MGAT5: variants seen among roughly 807,000 people sequenced by gnomAD.
MGAT5 encodes alpha-1,6-mannosylglycoprotein 6-beta-N-acetylglucosaminyltransferase A.
A neutral mutation model predicts 94.3 loss-of-function variants in MGAT5; 30 were observed. That is an observed-to-expected ratio of 0.32 (90% CI 0.24 to 0.43). The LOEUF (loss-of-function observed/expected upper bound fraction) is 0.43. Among genes scored for constraint, MGAT5 ranks in the 20% least tolerant of loss-of-function variants. The pLI, the probability that MGAT5 is intolerant of heterozygous loss-of-function variation, is 1.00. For synonymous variants in MGAT5, 310 were observed against 322.9 expected, an observed-to-expected ratio of 0.96 and a Z score of 0.43; for missense variants, 691 against 905.5, an observed-to-expected ratio of 0.76 and a Z score of 3.04.
chr2:134,399,048 C>T (rs1017017431), intron 10 of MGAT5, among the ~76,000 whole-genome samples: 2 of 152,062 alleles, frequency 1.3e-5, no homozygotes, highest in African/African-American at 2.4e-5. Context: ...TTCAGATTAG[C>T]TAGAAGAAAG....
At chr2:134,349,338 T>C (rs1444972375) in intron 8 of MGAT5, among the ~76,000 whole-genome samples, 3 of 152,164 alleles carry the variant, frequency 2.0e-5, no homozygotes, top group East Asian at 1.9e-4. Context: ...AATACTCCAA[T>C]TGATGAAAAT....
At chr2:134,281,677 C>G (rs1684703923) in intron 2 of MGAT5, among the ~76,000 whole-genome samples, 2 of 152,120 alleles carry the variant, frequency 1.3e-5, no homozygotes, top group African/African-American at 2.4e-5. Flanking sequence ...TTAAGCAGAT[C>G]CAGAAACTGC....
chr2:134,153,493 T>C lies in MGAT5; in HGVS notation c.-143+33202T>C, dbSNP rs1038517625. ...AACTGATTTCCCTGGAGAGGGTTCT[T>C]GGTGTCACATGGTGGGAGATGCTGT... On this transcript the variant is annotated intron_variant, in intron 1 of 16. Coordinates refer to the MGAT5 transcript ENST00000409645. Among the ~76,000 whole-genome samples, 11 of 152,320 alleles carry C rather than the reference T, an allele frequency of 7.2e-5. No individual in the cohort carries two copies. In the East Asian group the frequency reaches 2.1e-3, roughly 29 times the overall value.
At chr2:134,136,478 A>G (rs1345466336) in intron 1 of MGAT5, among the ~76,000 whole-genome samples, 1 of 152,130 alleles carries the variant, frequency 6.6e-6, no homozygotes, top group Non-Finnish European at 1.5e-5. Context: ...GAGGCAGGAG[A>G]ATCACTTGAA....
intron 1 of MGAT5, among the ~76,000 whole-genome samples, chr2:134,141,199 C>T (rs1391510885): frequency 6.6e-6 from 1 of 152,154 alleles, no homozygotes; most frequent in East Asian, 1.9e-4. Context: ...AAGACCCTCA[C>T]CAGATGCCAA....
At chr2:134,309,555 T>C (rs78406140) in intron 2 of MGAT5, among the ~76,000 whole-genome samples, 4,088 of 152,320 alleles carry the variant, frequency 0.027, 177 homozygotes, top group East Asian at 0.11. Context: ...ATTTCCCTGA[T>C]GACTAATGAT....
intron 1 of MGAT5, among the ~76,000 whole-genome samples, chr2:134,237,142 T>TGTGTGTGCGC (rs1681685395): frequency 7.2e-6 from 1 of 137,974 alleles, no homozygotes; most frequent in Non-Finnish European, 1.6e-5. Flanking sequence ...TGTGTGTGTG[T>TGTGTGTGCGC]GTGTGTGCGC....
chr2:134,420,874 A>G (rs2106355176), intron 12 of MGAT5, among the ~76,000 whole-genome samples: 1 of 152,378 alleles, frequency 6.6e-6, no homozygotes, highest in African/African-American at 2.4e-5. Flanking sequence ...ATATTTCAGT[A>G]TTATGGAATC....
chr2:134,123,333 A>C (rs541191438), intron 1 of MGAT5, among the ~76,000 whole-genome samples: 1 of 152,314 alleles, frequency 6.6e-6, no homozygotes, highest in South Asian at 2.1e-4. Context: ...AAGTCACTAC[A>C]GAGACATCCC....
At chr2:134,122,574 A>T (rs1252007494) in intron 1 of MGAT5, among the ~76,000 whole-genome samples, 1 of 152,110 alleles carries the variant, frequency 6.6e-6, no homozygotes, top group Non-Finnish European at 1.5e-5. Context: ...CAAGAGGGTG[A>T]CTGTTTCACC....
intron 2 of MGAT5, among the ~76,000 whole-genome samples, chr2:134,283,995 G>A (rs1011339857): frequency 1.3e-5 from 2 of 152,172 alleles, no homozygotes; most frequent in African/African-American, 4.8e-5. Flanking sequence ...CAGGGCTCAG[G>A]AGGCTGGGAT....
chr2:134,186,833 A>T (rs59623898), intron 1 of MGAT5, among the ~76,000 whole-genome samples: 2,807 of 152,294 alleles, frequency 0.018, 96 homozygotes, highest in African/African-American at 0.064. Flanking sequence ...AGGTACAGTG[A>T]TGAATAAAGG....
At chr2:134,237,917 A>G (rs995692764) in intron 1 of MGAT5, among the ~76,000 whole-genome samples, 26 of 151,604 alleles carry the variant, frequency 1.7e-4, no homozygotes, top group Admixed American at 1.6e-3. Flanking sequence ...CGCTCAGCTA[A>G]TTTTTGTATT....
chr2:134,224,352 T>A (rs1474171888), intron 1 of MGAT5, among the ~76,000 whole-genome samples: 3 of 152,234 alleles, frequency 2.0e-5, no homozygotes, highest in Admixed American at 2.0e-4. Context: ...CTTTAAAGTA[T>A]GTCTTCTGGA....
intron 11 of MGAT5, among the ~76,000 whole-genome samples, chr2:134,410,411 G>A (rs1310621567): frequency 6.6e-6 from 1 of 152,208 alleles, no homozygotes; most frequent in Non-Finnish European, 1.5e-5. Flanking sequence ...TCCAAGTAAT[G>A]TATTTCCTAC....
intron 1 of MGAT5, among the ~76,000 whole-genome samples, chr2:134,177,241 A>G (rs1010161748): frequency 6.7e-6 from 1 of 150,208 alleles, no homozygotes; most frequent in Non-Finnish European, 1.5e-5. Context: ...AAACAGTTCT[A>G]TGGGATGGGA....
chr2:134,317,882 T>C (rs2105899852), intron 3 of MGAT5, among the ~76,000 whole-genome samples: 1 of 152,244 alleles, frequency 6.6e-6, no homozygotes, highest in Middle Eastern at 3.4e-3. Flanking sequence ...TGACTTCCCC[T>C]CTCTGTTTCC....
At chr2:134,400,885 C>G (rs1683009612) in intron 10 of MGAT5, among the ~76,000 whole-genome samples, 1 of 152,084 alleles carries the variant, frequency 6.6e-6, no homozygotes. Flanking sequence ...CAGGGAAACT[C>G]AAGTAAAAAT....
intron 4 of MGAT5, among the ~76,000 whole-genome samples, chr2:134,334,035 A>T (rs1157979129): frequency 6.6e-6 from 1 of 152,244 alleles, no homozygotes; most frequent in South Asian, 2.1e-4. Context: ...TTCATAATTG[A>T]TTTTCCCACC....
Sources: allele counts gnomAD v4.1 joint callset (sites outside exome capture counted in the v4.1 genomes callset), GRCh38; gene constraint gnomAD v4.1.1; transcripts MANE v1.5; gene names NCBI Gene and HGNC (gene_info 2026-07-23, HGNC 2026-07-21).